The following CRAT variants were observed in gnomAD, a reference collection of about 807,000 sequenced individuals.
CRAT encodes carnitine O-acetyltransferase, also known as carnitine acetylase.
CRAT carries 66 observed loss-of-function variants against 73.7 expected under a neutral mutation model. The observed-to-expected ratio is 0.90, with a 90% confidence interval of 0.73 to 1.10. The LOEUF (loss-of-function observed/expected upper bound fraction) is 1.10, where lower values mean the gene tolerates loss of function less well. CRAT is among the 50% of genes least tolerant of loss of function. The probability of loss-of-function intolerance (pLI) is 0.00; values close to 1 mark genes in which losing one functional copy is unlikely to be tolerated. For missense variants in CRAT, 745 were observed against 846.9 expected (o/e 0.88, Z 1.49); for synonymous variants, 321 against 343.2 (o/e 0.94, Z 0.71).
At chr9:129,100,359 G>T in intron 7 of CRAT, 152 bp downstream of exon 7, 3 of 937,212 alleles carry the variant, frequency 3.2e-6, no homozygotes, top group Non-Finnish European at 4.7e-6. Context: ...CTGGCTGCCT[G>T]GTAATTACGG....
rs772054700 is a variant in CRAT, at chr9:129,102,534, T to TC, written c.495dup (p.Lys166GlufsTer48). Reference sequence around the variant, plus strand: ...TAGTACTGGTTCATGCACAGTGGCTTCCCCCCCAGGTACTCCACGGGCAGG... The same window carrying TC: ...TAGTACTGGTTCATGCACAGTGGCTTCCCCCCCCAGGTACTCCACGGGCAGG... On this transcript the variant is annotated frameshift_variant, in exon 5 of 14. Transcript: ENST00000318080. LOFTEE classifies it high-confidence loss of function. The TC allele has an allele frequency of 6.2e-6, 10 of 1,613,340 alleles. No individual in the cohort carries two copies. The East Asian group carries it at 8.9e-5, about 14-fold the overall frequency.
intron 12 of CRAT, 37 bp downstream of exon 12, chr9:129,097,213 A>G: frequency 6.6e-7 from 1 of 1,512,260 alleles, no homozygotes; most frequent in Non-Finnish European, 8.9e-7. Context: ...GGCTGACACT[A>G]AGGGACAAGT....
chr9:129,101,222 A>C (rs1015767577), intron 6 of CRAT, among the ~76,000 whole-genome samples: 1 of 152,220 alleles, frequency 6.6e-6, no homozygotes, highest in Non-Finnish European at 1.5e-5. Flanking sequence ...CCACGTTGAG[A>C]GGATGCAGCG....
chr9:129,098,832 T>A (rs1426425679), intron 8 of CRAT, among the ~76,000 whole-genome samples, 182 bp from the exon 9 acceptor site: 1 of 87,944 alleles, frequency 1.1e-5, no homozygotes, highest in Non-Finnish European at 2.5e-5. Context: ...TTTTTTTTTT[T>A]AGATGGAGTC....
intron 13 of CRAT, 125 bp downstream of exon 13, chr9:129,095,873 C>G (rs1847249397): frequency 1.5e-6 from 2 of 1,372,598 alleles, no homozygotes; most frequent in East Asian, 4.6e-5. Flanking sequence ...GAGGCCCCTG[C>G]CCCCAGCTCC....
In CRAT at chr9:129,103,062, C is replaced by T; in HGVS notation, c.415G>A (p.Ala139Thr). The T allele has an allele frequency of 6.2e-7, 1 of 1,614,076 alleles. No individual in the cohort carries two copies. The highest frequency in any genetic ancestry group is 8.5e-7 in the Non-Finnish European group (1 of 1,179,920). Residue 139 changes from alanine (A) to threonine (T), a missense_variant, in exon 4 of 14, where the codon GCT (alanine) becomes ACT (threonine). Ala to Thr is a moderately conservative substitution (Grantham distance 58, BLOSUM62 0). Coordinates refer to ENST00000318080, the MANE Select transcript of CRAT (RefSeq NM_000755.5). The surrounding 1 kb of genome is among the most constrained non-coding windows in gnomAD (Gnocchi z 4.6). Reference sequence around the variant, plus strand: ...AACACACCCTCAATGAGTTTGGCAGCAAATCTGGAAAGATTGATTAGAGAT... The same window carrying T: ...AACACACCCTCAATGAGTTTGGCAGTAAATCTGGAAAGATTGATTAGAGAT... Reference protein sequence around the residue: ...FVDLQGQLRFAAKLIEGVLDF... With the variant: ...FVDLQGQLRFTAKLIEGVLDF...
chr9:129,107,585 A>C lies in CRAT; in HGVS notation c.291+229T>G. Reference sequence around the variant, plus strand: ...TCCTGGAACATGAAACCTTGTCCACAACCTGTATCCTGTTCATTACCTTTC... The same window carrying C: ...TCCTGGAACATGAAACCTTGTCCACCACCTGTATCCTGTTCATTACCTTTC... On this transcript the variant is annotated intron_variant, in intron 2 of 13. Transcript: ENST00000318080. This position sits in a 1 kb window ranked among gnomAD's most constrained non-coding sequence, Gnocchi z 5.0. The C allele has an allele frequency of 4.2e-6, 3 of 713,222 alleles. No individual in the cohort carries two copies. The highest frequency in any genetic ancestry group is 7.7e-6 in the Non-Finnish European group (3 of 390,586). The allele number at this position is 713,222 out of a possible 1,614,324, so 44.2% of individuals were successfully genotyped here.
At chr9:129,099,454 T>G (rs1204111172) in intron 8 of CRAT, among the ~76,000 whole-genome samples, 2 of 147,010 alleles carry the variant, frequency 1.4e-5, no homozygotes, top group African/African-American at 2.6e-5. Flanking sequence ...TGAGACAGAG[T>G]CTTGCTCTGT....
At position 129,108,043 on chromosome 9, in the gene CRAT, AAGG is replaced by A. The variant is rs751118555; in HGVS notation, c.59_61del (p.Ser20del). The A allele has an allele frequency of 7.1e-6, 11 of 1,539,374 alleles. No individual in the cohort carries two copies. Among genetic ancestry groups the A allele is most frequent in the African/African-American group, 4.1e-5 (3 of 73,214 alleles). The stretch of plus-strand genomic sequence containing the variant: ...CTTGAAGCGGCTGGAAGCCTTCATC[AAGG>A]AGAAGGGCTTCAGGAAGCCCAGAGG... On this transcript the variant is annotated inframe_deletion, in exon 2 of 14. Transcript: ENST00000318080.
rs760231084 is a variant in CRAT, at chr9:129,106,487, G to A, written c.291+1327C>T. Reference sequence around the variant, plus strand: ...CAGCGAGAATCTGCCAGGTGGTGGCGGAGACCCTTCGGTGGCCCCGTGAGT... The same window carrying A: ...CAGCGAGAATCTGCCAGGTGGTGGCAGAGACCCTTCGGTGGCCCCGTGAGT... On this transcript the variant is annotated intron_variant, in intron 2 of 13. Transcript: ENST00000318080. This position sits in a 1 kb window ranked among gnomAD's most constrained non-coding sequence, Gnocchi z 4.0. Among the ~76,000 whole-genome samples, 7 of 152,130 alleles carry A rather than the reference G, an allele frequency of 4.6e-5. No homozygotes were observed. Among genetic ancestry groups the A allele is most frequent in the Non-Finnish European group, 7.4e-5 (5 of 68,018 alleles).
rs766207302 is a variant in CRAT at position 129,104,197 on chromosome 9, C to T, written c.401G>A (p.Gly134Asp). The T allele has an allele frequency of 1.2e-6, 2 of 1,608,398 alleles. No individual in the cohort carries two copies. The highest frequency in any genetic ancestry group is 8.5e-7 in the Non-Finnish European group (1 of 1,177,748). Residue 134 changes from glycine to aspartate, a missense_variant, in exon 3 of 14, where the codon GGT (glycine) becomes GAT (aspartate). Physicochemically the swap from Gly to Asp is moderately conservative, Grantham distance 94 (BLOSUM62 -1). Coordinates refer to ENST00000318080, the MANE Select transcript of CRAT (RefSeq NM_000755.5). ...AACCCCAGCCACTCACCGGAGCTGACCCTGCAGGTCCACGAAGTCCTGCTT... is the reference window on the plus strand; with the variant it reads ...AACCCCAGCCACTCACCGGAGCTGATCCTGCAGGTCCACGAAGTCCTGCTT... ...LPKQDFVDLQGQLRFAAKLIE... is the reference protein window; with the variant it reads ...LPKQDFVDLQDQLRFAAKLIE...
In CRAT at chr9:129,098,627, G is replaced by T; in HGVS notation, c.1109C>A (p.Ser370Tyr). The change falls in exon 9 of 14, where the codon TCT (serine) becomes TAT (tyrosine). Residue 370 changes from serine to tyrosine, a missense_variant. Transcript: ENST00000318080. ...EYTKKPELVRSPLVPLPMPKK... is the reference protein window; with the variant it reads ...EYTKKPELVRYPLVPLPMPKK... ...GGGCATGGGCAGGGGCACCAGGGGA[G>T]ACCGCACAAGCTCGGGTTTCTTCCT... The T allele has an allele frequency of 6.2e-7, 1 of 1,601,856 alleles. No homozygotes were observed. The highest frequency in any genetic ancestry group is 8.5e-7 in the Non-Finnish European group (1 of 1,176,872).
In CRAT at chr9:129,098,056, T is replaced by TCCA; in HGVS notation, c.1418_1420dup (p.Met473_Asp474insVal). 1 of 1,613,882 alleles carries TCCA rather than the reference T, an allele frequency of 6.2e-7. No individual in the cohort carries two copies. Among genetic ancestry groups the TCCA allele is most frequent in the Non-Finnish European group, 8.5e-7 (1 of 1,180,008 alleles). The stretch of plus-strand genomic sequence containing the variant: ...CATGGCCTTGACAAAGGTGAGTGAG[T>TCCA]CCATGGAAGCCGAGCGGATGGTGTC... On this transcript the variant is annotated inframe_insertion, in exon 11 of 14. Transcript: ENST00000318080.
chr9:129,098,413 G>A lies in CRAT; in HGVS notation c.1206-42C>T. On this transcript the variant is annotated intron_variant, in intron 9 of 13. Transcript: ENST00000318080. ...AGCAGGTGAGGAGCAGGCCCCGGCA[G>A]CCCCTGCCAACCCCACGGAGGGTCT... 4 of 1,608,614 alleles carry A rather than the reference G, an allele frequency of 2.5e-6. No individual in the cohort carries two copies. In the East Asian group the frequency reaches 8.9e-5, roughly 36 times the overall value.
At position 129,110,434 on chromosome 9, in the gene CRAT, C is replaced by T. The variant is rs939040635; in HGVS notation, c.27+49G>A. 6 of 1,519,860 alleles carry T rather than the reference C, an allele frequency of 3.9e-6. No homozygotes were observed. In the African/African-American group the frequency reaches 7.2e-5, roughly 18 times the overall value. The allele number at this position is 1,519,860 out of a possible 1,614,324, so 94.1% of individuals were successfully genotyped here. On this transcript the variant is annotated intron_variant, in intron 1 of 13. Coordinates refer to ENST00000318080, the MANE Select transcript of CRAT (RefSeq NM_000755.5). The surrounding 1 kb of genome is among the most constrained non-coding windows in gnomAD (Gnocchi z 5.3). ...TCCGTTCCCGGACGCAACCGCACGG[C>T]CCGCCCAGGCCGTCCAGGGCCCTCA...
At chr9:129,095,973 C>T (rs775136678) in intron 13 of CRAT, 25 bp downstream of exon 13, 22 of 1,613,410 alleles carry the variant, frequency 1.4e-5, no homozygotes, top group East Asian at 8.9e-5. Context: ...CTCCAGCCCC[C>T]GGGGCACCTG....
intron 12 of CRAT, 93 bp from the exon 13 acceptor site, chr9:129,096,228 G>T (rs1028576812): frequency 5.0e-5 from 75 of 1,508,366 alleles, no homozygotes; most frequent in Non-Finnish European, 6.6e-5. Flanking sequence ...CCCTTCGCAG[G>T]CACTGGCCAC....
chr9:129,106,885 C>G lies in CRAT; in HGVS notation c.291+929G>C, dbSNP rs1848050732. Among the ~76,000 whole-genome samples, 1 of 152,186 alleles carries G rather than the reference C, an allele frequency of 6.6e-6. No homozygotes were observed. The highest frequency in any genetic ancestry group is 2.4e-5 in the African/African-American group (1 of 41,450). ...GCCCCCACCTCATTGGCAAGTGACA[C>G]TGGCACTGCCTCCAAAACAGTCCTG... On this transcript the variant is annotated intron_variant, in intron 2 of 13. Transcript: ENST00000318080. This position sits in a 1 kb window ranked among gnomAD's most constrained non-coding sequence, Gnocchi z 4.0.
At chr9:129,102,253 G>A (rs1847718971) in intron 5 of CRAT, 147 bp downstream of exon 5, 52 of 1,275,618 alleles carry the variant, frequency 4.1e-5, no homozygotes, top group Non-Finnish European at 5.3e-5. Context: ...GCCTCCCTGG[G>A]CCCCCAATGG....
Sources: allele counts gnomAD v4.1 joint callset (sites outside exome capture counted in the v4.1 genomes callset), GRCh38; gene constraint gnomAD v4.1.1; non-coding constraint Gnocchi (gnomAD v3.1); transcripts MANE v1.5; gene names NCBI Gene and HGNC (gene_info 2026-07-23, HGNC 2026-07-21).